The following LDLRAD4 variants were observed in gnomAD, a reference collection of about 807,000 sequenced individuals.
The protein encoded by LDLRAD4 is low-density lipoprotein receptor class A domain-containing protein 4.
In LDLRAD4, 5 loss-of-function variants were observed where a neutral mutation model predicts 17.0. The observed-to-expected ratio is 0.29, with a 90% confidence interval of 0.15 to 0.62. The LOEUF is 0.62. Among genes scored for constraint, LDLRAD4 ranks in the 20% least tolerant of loss-of-function variants. The pLI, the probability that LDLRAD4 is intolerant of heterozygous loss-of-function variation, is 0.84. For missense variants in LDLRAD4, 340 were observed against 424.7 expected (o/e 0.80, Z 1.75); for synonymous variants, 168 against 171.8 (o/e 0.98, Z 0.17).
At chr18:13,530,642 C>A (rs2094112807) in intron 3 of LDLRAD4, among the ~76,000 whole-genome samples, 1 of 152,226 alleles carries the variant, frequency 6.6e-6, no homozygotes, top group Admixed American at 6.5e-5. Flanking sequence ...ACTCTCTGCC[C>A]ACTGAGTGAG....
chr18:13,226,502 C>T (rs1467424977), intron 1 of LDLRAD4, among the ~76,000 whole-genome samples: 9 of 151,924 alleles, frequency 5.9e-5, no homozygotes, highest in Non-Finnish European at 2.9e-5. Context: ...ATTTAAAAAA[C>T]CTTTGCAAAT....
chr18:13,292,937 T>C (rs1296862280), intron 1 of LDLRAD4, among the ~76,000 whole-genome samples: 12 of 152,220 alleles, frequency 7.9e-5, no homozygotes. Flanking sequence ...ACGGAGGCCA[T>C]GCGGATTCCA....
intron 3 of LDLRAD4, among the ~76,000 whole-genome samples, chr18:13,499,182 CCTT>C (rs1235816810): frequency 6.9e-6 from 1 of 145,298 alleles, no homozygotes; most frequent in Non-Finnish European, 1.5e-5. Context: ...ACTGGAGAAT[CCTT>C]CTACTCACAC....
At chr18:13,334,431 G>A (rs187601865) in intron 1 of LDLRAD4, among the ~76,000 whole-genome samples, 128 of 152,220 alleles carry the variant, frequency 8.4e-4, no homozygotes, top group African/African-American at 2.9e-3. Context: ...TAGAGACAGG[G>A]TTTCACTGTG....
chr18:13,383,912 T>C (rs2085585138), intron 1 of LDLRAD4, among the ~76,000 whole-genome samples: 1 of 152,214 alleles, frequency 6.6e-6, no homozygotes, highest in Non-Finnish European at 1.5e-5. Flanking sequence ...AAGAAGACTT[T>C]TTACAGCATT....
intron 1 of LDLRAD4, among the ~76,000 whole-genome samples, chr18:13,383,790 T>C (rs1407256453): frequency 6.6e-6 from 1 of 152,054 alleles, no homozygotes; most frequent in Non-Finnish European, 1.5e-5. Context: ...TGAGTGCCGC[T>C]GGGTTCTGGC....
intron 1 of LDLRAD4, among the ~76,000 whole-genome samples, chr18:13,252,206 C>T (rs2043258080): frequency 6.6e-6 from 1 of 152,160 alleles, no homozygotes; most frequent in African/African-American, 2.4e-5. Context: ...CTCACTGCAA[C>T]CTCCACCTCC....
intron 1 of LDLRAD4, among the ~76,000 whole-genome samples, chr18:13,220,667 C>G (rs1032334800): frequency 6.6e-6 from 1 of 152,196 alleles, no homozygotes; most frequent in African/African-American, 2.4e-5. Flanking sequence ...AGCAAGGGCC[C>G]GTCTGCAGAG....
rs559513037 is a variant in LDLRAD4 at position 13,606,452 on chromosome 18, G to A, written c.182-14665G>A. Among the ~76,000 whole-genome samples, 8 of 152,192 alleles carry A rather than the reference G, an allele frequency of 5.3e-5. No homozygotes were observed. The East Asian group carries it at 9.6e-4, about 18-fold the overall frequency. On this transcript the variant is annotated intron_variant, in intron 3 of 5. Coordinates refer to ENST00000359446, the Ensembl canonical transcript of LDLRAD4. ...AATTTATTTAATACATTTGTAATCC[G>A]CATTATTGGCTTGCTAGCTCCATGG...
chr18:13,220,880 T>C (rs1224917158), intron 1 of LDLRAD4, among the ~76,000 whole-genome samples: 1 of 152,234 alleles, frequency 6.6e-6, no homozygotes, highest in Non-Finnish European at 1.5e-5. Flanking sequence ...CAGAGATCCC[T>C]GAGCTCCTGA....
chr18:13,418,573 G>GTT (rs2089153227), intron 2 of LDLRAD4, among the ~76,000 whole-genome samples: 1 of 152,158 alleles, frequency 6.6e-6, no homozygotes, highest in Admixed American at 6.5e-5. Context: ...CAGCCCTTGG[G>GTT]TTTTATGTGT....
chr18:13,451,333 C>G (rs1254308700), intron 3 of LDLRAD4, among the ~76,000 whole-genome samples: 1 of 152,054 alleles, frequency 6.6e-6, no homozygotes, highest in Non-Finnish European at 1.5e-5. Flanking sequence ...TTGGTGCTGT[C>G]CTTGAGGTAG....
intron 1 of LDLRAD4, among the ~76,000 whole-genome samples, chr18:13,323,072 G>A (rs956549415): frequency 6.6e-6 from 1 of 152,164 alleles, no homozygotes; most frequent in Non-Finnish European, 1.5e-5. Context: ...CTACTTTTAT[G>A]AAGCTTGCTC....
intron 3 of LDLRAD4, among the ~76,000 whole-genome samples, chr18:13,517,583 A>G (rs1367802205): frequency 1.3e-5 from 2 of 152,314 alleles, no homozygotes; most frequent in East Asian, 3.9e-4. Flanking sequence ...TGGCTTCCAC[A>G]CAAGCAGTGT....
At chr18:13,370,718 T>TTTTTTTGTTTGTTTG (rs1555663288) in intron 1 of LDLRAD4, among the ~76,000 whole-genome samples, 1 of 143,240 alleles carries the variant, frequency 7.0e-6, no homozygotes, top group African/African-American at 2.7e-5. Context: ...GTTTTGTTTT[T>TTTTTTTGTTTGTTTG]TTTTTTTTTT....
At chr18:13,384,784 G>A (rs774416668) in intron 1 of LDLRAD4, among the ~76,000 whole-genome samples, 7 of 152,084 alleles carry the variant, frequency 4.6e-5, no homozygotes, top group Non-Finnish European at 7.4e-5. Flanking sequence ...ATGTCCTCCC[G>A]TTTCATCCAT....
At chr18:13,239,577 CA>C (rs368539600) in intron 1 of LDLRAD4, 8 of 152,276 alleles carry the variant, frequency 5.3e-5, no homozygotes, top group African/African-American at 1.9e-4. Context: ...ATGAAAGTAG[CA>C]GTTGTCCAGA....
chr18:13,491,289 C>T (rs1459744062), intron 3 of LDLRAD4: 1 of 152,228 alleles, frequency 6.6e-6, no homozygotes. Context: ...TGGCTGATCA[C>T]CTCTGGAACC....
rs1018490553 is a variant in LDLRAD4, at chr18:13,590,287, G to C, written c.182-30830G>C. ...ATATATGTGTGTGCATATGGAGTGT[G>C]GGGGAGATAGGGGTGTATGTGCGTG... On this transcript the variant is annotated intron_variant, in intron 3 of 5. Coordinates refer to ENST00000359446, the Ensembl canonical transcript of LDLRAD4. Among the ~76,000 whole-genome samples, 13 of 151,300 alleles carry C rather than the reference G, an allele frequency of 8.6e-5. 1 individual carries two copies. The highest frequency in any genetic ancestry group is 7.9e-4 in the Admixed American group (12 of 15,210).
Sources: gnomAD v4.1 joint callset for allele counts (sites outside exome capture counted in the v4.1 genomes callset) on GRCh38, gnomAD v4.1.1 for gene constraint, MANE v1.5 for transcripts, NCBI Gene and HGNC (gene_info 2026-07-23, HGNC 2026-07-21) for gene names.